MRE11: variants seen among roughly 807,000 people sequenced by gnomAD.
MRE11 encodes the protein double-strand break repair protein MRE11.
In MRE11, 62 loss-of-function variants were observed where a neutral mutation model predicts 91.7. The observed-to-expected ratio is 0.68, with a 90% CI of 0.55 to 0.84. The LOEUF (loss-of-function observed/expected upper bound fraction) is 0.84. MRE11 is among the 40% of genes least tolerant of loss of function. MRE11 has a pLI of 0.00. For missense variants in MRE11, 796 were observed against 852.9 expected, an observed-to-expected ratio of 0.93 and a Z score of 0.83; for synonymous variants, 273 against 271.4, an observed-to-expected ratio of 1.01 and a Z score of -0.06.
chr11:94,465,271 T>A lies in MRE11; in HGVS notation c.1099-1032A>T, dbSNP rs192330419. Among the ~76,000 whole-genome samples the A allele has an allele frequency of 2.4e-3, 369 of 152,336 alleles. 3 individuals are homozygous for A. Among genetic ancestry groups the A allele is most frequent in the Non-Finnish European group, 3.5e-3 (235 of 68,036 alleles). ...ATGCCAATTTTCTATTAAAGTCTGGTTAGTTTTAATGCTGTGAGGCAGACA... is the reference window on the plus strand; with the variant it reads ...ATGCCAATTTTCTATTAAAGTCTGGATAGTTTTAATGCTGTGAGGCAGACA... On this transcript the variant is annotated intron_variant, in intron 10 of 19. Transcript: ENST00000323929.
chr11:94,509,662 G>A, the MRE11 span, among the ~76,000 whole-genome samples: 8 of 151,920 alleles, frequency 5.3e-5, no homozygotes, highest in African/African-American at 1.2e-4. Context: ...AGATGGTCTC[G>A]ATCCCTTGAC....
chr11:94,512,011 C>T, the MRE11 span, among the ~76,000 whole-genome samples: 1 of 152,254 alleles, frequency 6.6e-6, no homozygotes, highest in Non-Finnish European at 1.5e-5. Context: ...TATTCAATCA[C>T]GTTGCGTGTG....
At chr11:94,431,743 CA>C (rs1245107633) in intron 18 of MRE11, among the ~76,000 whole-genome samples, 1 of 152,170 alleles carries the variant, frequency 6.6e-6, no homozygotes, top group African/African-American at 2.4e-5. Context: ...GAGCACCACG[CA>C]AGCTAATTCA....
upstream of MRE11, chr11:94,498,561 A>C (rs758850821): frequency 6.4e-7 from 1 of 1,555,306 alleles, no homozygotes; most frequent in East Asian, 2.2e-5. Context: ...TAAGTTTCTA[A>C]ATACCAGTGC....
intron 11 of MRE11, among the ~76,000 whole-genome samples, 159 bp from the exon 12 acceptor site, chr11:94,461,195 A>G (rs1157498847): frequency 6.6e-6 from 1 of 152,234 alleles, no homozygotes; most frequent in African/African-American, 2.4e-5. Context: ...ATTTTTGTTA[A>G]TAGCCACGGT....
intron 11 of MRE11, among the ~76,000 whole-genome samples, chr11:94,462,548 C>A (rs757919564): frequency 6.6e-6 from 1 of 152,152 alleles, no homozygotes; most frequent in Non-Finnish European, 1.5e-5. Flanking sequence ...GCTACAGTAA[C>A]CAAAACAGCA....
upstream of MRE11, chr11:94,496,639 G>C: frequency 6.9e-7 from 1 of 1,448,418 alleles, no homozygotes. Flanking sequence ...TTCATCTCTA[G>C]AAAGATTTAT....
At chr11:94,486,795 C>T (rs919776378) in intron 3 of MRE11, among the ~76,000 whole-genome samples, 7 of 152,008 alleles carry the variant, frequency 4.6e-5, no homozygotes, top group African/African-American at 1.7e-4. Context: ...ATGTTAGTTG[C>T]ACTAGGAAAG....
intron 4 of MRE11, among the ~76,000 whole-genome samples, chr11:94,484,671 C>T (rs113620088): frequency 6.6e-6 from 1 of 152,188 alleles, no homozygotes; most frequent in Non-Finnish European, 1.5e-5. Context: ...TGATGTCACG[C>T]ACCTCCTGAT....
At position 94,437,239 on chromosome 11, in the gene MRE11, G is replaced by A. The variant is rs768257868; in HGVS notation, c.1868-4C>T. 21 of 1,611,810 alleles carry A rather than the reference G, an allele frequency of 1.3e-5. No individual in the cohort carries two copies. Among genetic ancestry groups the A allele is most frequent in the Non-Finnish European group, 1.5e-5 (18 of 1,178,720 alleles). On this transcript the variant is annotated splice_region_variant and splice_polypyrimidine_tract_variant and intron_variant, in intron 16 of 19. Coordinates refer to ENST00000323929, the MANE Select transcript of MRE11 (RefSeq NM_005591.4). ...TGCTGTCTTGTAGATTTAAAGGCTAGAATGAAAAAGATGAAATGTGCATTA... is the reference window on the plus strand; with the variant it reads ...TGCTGTCTTGTAGATTTAAAGGCTAAAATGAAAAAGATGAAATGTGCATTA...
chr11:94,420,069 T>TACA lies in MRE11; in HGVS notation c.*55_*56insTGT, dbSNP rs2134732712. ...AAATCTTAAACTGTAAACTCTTAGC[T>TACA]TGTAACATTTTCATTTTTCCTGTAT... On this transcript the variant is annotated 3_prime_UTR_variant, in exon 20 of 20. Coordinates refer to ENST00000323929, the MANE Select transcript of MRE11 (RefSeq NM_005591.4). The TACA allele has an allele frequency of 1.5e-6, 2 of 1,373,414 alleles. No homozygotes were observed. The highest frequency in any genetic ancestry group is 4.6e-5 in the East Asian group (2 of 43,314). 85.1% of individuals were successfully genotyped at this position (1,373,414 alleles called of 1,614,324 possible).
At position 94,418,497 on chromosome 11, in the gene MRE11, G is replaced by A; in HGVS notation, c.*1628C>T. ...ACCCAGACCCACCTAACTGATGCAT[G>A]AGAAGAGCCACTAGCTGATGTGGCC... On this transcript the variant is annotated 3_prime_UTR_variant, in exon 20 of 20. Coordinates refer to ENST00000323929, the MANE Select transcript of MRE11 (RefSeq NM_005591.4). 4.3e-6 allele frequency: 1 copy of A among 232,482 alleles called. No homozygotes were observed. Among genetic ancestry groups the A allele is most frequent in the Non-Finnish European group, 8.5e-6 (1 of 117,660 alleles). The allele number at this position is 232,482 out of a possible 1,614,324, so 14.4% of individuals were successfully genotyped here.
At chr11:94,434,892 C>T (rs1310054754) in intron 18 of MRE11, among the ~76,000 whole-genome samples, 1 of 152,126 alleles carries the variant, frequency 6.6e-6, no homozygotes, top group African/African-American at 2.4e-5. Flanking sequence ...CTCATCAGAC[C>T]TAATATAATG....
chr11:94,419,362 A>G lies in MRE11; in HGVS notation c.*763T>C, dbSNP rs1945103262. The stretch of plus-strand genomic sequence containing the variant: ...TTCAATATTTTCAAGATGTAGTTTA[A>G]AACAATTTTTAACCCGTTTCCTCCT... On this transcript the variant is annotated 3_prime_UTR_variant, in exon 20 of 20. Coordinates refer to ENST00000323929, the MANE Select transcript of MRE11 (RefSeq NM_005591.4). The G allele has an allele frequency of 4.3e-6, 1 of 232,770 alleles. No homozygotes were observed. The highest frequency in any genetic ancestry group is 2.2e-5 in the African/African-American group (1 of 45,326). The allele number at this position is 232,770 out of a possible 1,614,324, so 14.4% of individuals were successfully genotyped here.
At chr11:94,435,733 G>A (rs1017653945) in intron 18 of MRE11, 99 bp downstream of exon 18, 4 of 1,026,826 alleles carry the variant, frequency 3.9e-6, no homozygotes, top group African/African-American at 3.2e-5. Context: ...AAATAAGTCT[G>A]TTAAACTTAC....
Position 94,445,828 on chromosome 11 carries a change from TTCTAGA to T in MRE11, c.1843_1848del (p.Ser615_Arg616del), listed in dbSNP as rs1555004775. ...TACTCACCATCTATAATAGACATAT[TTCTAGA>T]TGCTGACACAGCAGTCTTTGAGTTC... On this transcript the variant is annotated inframe_deletion, in exon 16 of 20. Coordinates refer to ENST00000323929, the MANE Select transcript of MRE11 (RefSeq NM_005591.4). The T allele has an allele frequency of 6.2e-7, 1 of 1,612,662 alleles. No individual in the cohort carries two copies. The highest frequency in any genetic ancestry group is 1.7e-5 in the Admixed American group (1 of 60,000).
upstream of MRE11, chr11:94,494,108 G>T (rs1275529896): frequency 6.6e-6 from 1 of 152,332 alleles, no homozygotes; most frequent in Non-Finnish European, 1.5e-5. Flanking sequence ...CTGAGCCCGT[G>T]GGGGTGGGTA....
At chr11:94,450,517 C>T (rs1023411291) in intron 14 of MRE11, among the ~76,000 whole-genome samples, 3 of 152,126 alleles carry the variant, frequency 2.0e-5, no homozygotes, top group Admixed American at 6.6e-5. Flanking sequence ...AATCTCAATA[C>T]ATTTTTGATA....
Position 94,479,811 on chromosome 11 carries a change from T to C in MRE11, c.315-50A>G. ...ATTTCCATACGGGACAAAAGCTGTT[T>C]TCCCTAAGATTCTCCTCCAAAATAT... On this transcript the variant is annotated intron_variant, in intron 4 of 19. Transcript: ENST00000323929. 2.1e-6 allele frequency: 3 copies of C among 1,419,836 alleles called. No homozygotes were observed. In the South Asian group the frequency reaches 3.5e-5, roughly 17 times the overall value. The allele number at this position is 1,419,836 out of a possible 1,614,324, so 88.0% of individuals were successfully genotyped here. A position where few individuals can be genotyped will look rare whatever the true frequency, so the allele number is the denominator to read the frequency against.
Sources: allele counts gnomAD v4.1 joint callset (sites outside exome capture counted in the v4.1 genomes callset), GRCh38; gene constraint gnomAD v4.1.1; transcripts MANE v1.5; gene names NCBI Gene and HGNC (gene_info 2026-07-23, HGNC 2026-07-21).